Variants in DPYD observed in about 807,000 individuals in gnomAD.
The protein encoded by DPYD is dihydropyrimidine dehydrogenase, also known as dihydropyrimidine dehydrogenase [NADP(+)].
In DPYD, 109 loss-of-function variants were observed where a neutral mutation model predicts 116.2. The observed-to-expected ratio is 0.94, with a 90% CI of 0.80 to 1.10. DPYD has a LOEUF of 1.10. Ranked by LOEUF, DPYD falls within the 50% of genes least tolerant of loss-of-function variation. The pLI is 0.00. For missense variants in DPYD, 1,302 were observed against 1,254.5 expected (o/e 1.04, Z -0.57); for synonymous variants, 440 against 432.0 (o/e 1.02, Z -0.23).
chr1:97,247,845 A>C (rs544298598), intron 18 of DPYD, among the ~76,000 whole-genome samples: 2 of 152,338 alleles, frequency 1.3e-5, no homozygotes, highest in South Asian at 4.1e-4. Flanking sequence ...ATCCATAACT[A>C]TTGCACAAGT....
At chr1:97,834,250 C>A (rs575804103) in intron 2 of DPYD, among the ~76,000 whole-genome samples, 52 of 151,996 alleles carry the variant, frequency 3.4e-4, no homozygotes, top group African/African-American at 1.3e-3. Context: ...ATCCTGTTGC[C>A]AAGCTAGAAA....
chr1:97,883,907 G>A (rs779732877), intron 1 of DPYD: 2 of 451,998 alleles, frequency 4.4e-6, no homozygotes, highest in Admixed American at 2.6e-5. Context: ...AAAATCAAGT[G>A]AGGAATCCTA....
At chr1:97,451,519 A>G (rs747937885) in intron 13 of DPYD, among the ~76,000 whole-genome samples, 9 of 152,186 alleles carry the variant, frequency 5.9e-5, no homozygotes, top group Non-Finnish European at 1.3e-4. Flanking sequence ...TTAATTTTTT[A>G]CTAATTAAGC....
At chr1:97,118,889 T>C (rs1007419585) in intron 20 of DPYD, among the ~76,000 whole-genome samples, 1 of 152,080 alleles carries the variant, frequency 6.6e-6, no homozygotes, top group Non-Finnish European at 1.5e-5. Flanking sequence ...CATCTGAGGA[T>C]TGATGTTGAA....
rs1003892056 is a variant in DPYD at position 97,510,489 on chromosome 1, C to T, written c.1740+5237G>A. ...CCAAATAATCTCATAGGCATTTGGA[C>T]TTGATGAAGATCATAAGATAATGAA... On this transcript the variant is annotated intron_variant, in intron 13 of 22. Coordinates refer to ENST00000370192, the MANE Select transcript of DPYD (RefSeq NM_000110.4). Among the ~76,000 whole-genome samples, 3 of 151,968 alleles carry T rather than the reference C, an allele frequency of 2.0e-5. No homozygotes were observed. The East Asian group carries it at 5.8e-4, about 30-fold the overall frequency.
intron 8 of DPYD, among the ~76,000 whole-genome samples, chr1:97,665,175 C>T (rs1659490755): frequency 6.6e-6 from 1 of 152,072 alleles, no homozygotes; most frequent in African/African-American, 2.4e-5. Flanking sequence ...TAGAGTACTC[C>T]ATTAACCAAA....
At chr1:97,267,786 C>T (rs950659042) in intron 18 of DPYD, among the ~76,000 whole-genome samples, 4 of 152,036 alleles carry the variant, frequency 2.6e-5, no homozygotes, top group Admixed American at 6.5e-5. Flanking sequence ...ACATTCAAAC[C>T]ACAGCATTCC....
chr1:97,475,051 A>C (rs1389786514), intron 13 of DPYD, among the ~76,000 whole-genome samples: 2 of 152,182 alleles, frequency 1.3e-5, no homozygotes, highest in Non-Finnish European at 2.9e-5. Flanking sequence ...AAAAATCAGT[A>C]ATTTAAACAG....
chr1:97,586,453 A>AATACATAC (rs774026722), intron 10 of DPYD, among the ~76,000 whole-genome samples: 12 of 82,114 alleles, frequency 1.5e-4, no homozygotes, highest in Middle Eastern at 8.8e-3. Flanking sequence ...TATCTGTGAA[A>AATACATAC]ATACATACAT....
In DPYD at chr1:97,549,609, G is replaced by T. The variant is rs72549304; in HGVS notation, c.1475C>A (p.Ser492Ter). Reference protein sequence around the residue: ...VVGLANTTVESVNDGKQASWY... With the variant: ...VVGLANTTVE ...AGAAGCTTGCTTTCCATCATTCACCGATTCCACTGTAGTGTTAGCCAAACC... is the reference window on the plus strand; with the variant it reads ...AGAAGCTTGCTTTCCATCATTCACCTATTCCACTGTAGTGTTAGCCAAACC... Residue 492 changes from serine (S) to a stop codon, truncating the protein, a stop_gained, in exon 12 of 23, where the codon TCG becomes TAG. Coordinates refer to ENST00000370192, the MANE Select transcript of DPYD (RefSeq NM_000110.4). LOFTEE classifies it high-confidence loss of function. 1 of 1,613,804 alleles carries T rather than the reference G, an allele frequency of 6.2e-7. No homozygotes were observed. The highest frequency in any genetic ancestry group is 1.3e-5 in the African/African-American group (1 of 75,014).
chr1:97,560,949 G>C (rs1284233049), intron 11 of DPYD, among the ~76,000 whole-genome samples: 2 of 152,160 alleles, frequency 1.3e-5, no homozygotes, highest in African/African-American at 4.8e-5. Context: ...TTAAGGATGA[G>C]ATGCAGTTAT....
At chr1:97,869,181 C>T (rs1671540762) in intron 2 of DPYD, among the ~76,000 whole-genome samples, 1 of 151,654 alleles carries the variant, frequency 6.6e-6, no homozygotes, top group African/African-American at 2.4e-5. Flanking sequence ...TCTGATTTCC[C>T]CAGCCTCGGT....
At chr1:97,221,831 C>G (rs911928267) in intron 19 of DPYD, among the ~76,000 whole-genome samples, 1 of 151,986 alleles carries the variant, frequency 6.6e-6, no homozygotes, top group Non-Finnish European at 1.5e-5. Context: ...ACTCAACAAC[C>G]AACTTTGTTC....
intron 2 of DPYD, among the ~76,000 whole-genome samples, chr1:97,861,891 C>A (rs1671135746): frequency 6.6e-6 from 1 of 151,904 alleles, no homozygotes; most frequent in African/African-American, 2.4e-5. Context: ...CATTTGCAGC[C>A]TCTATGACCC....
intron 2 of DPYD, among the ~76,000 whole-genome samples, chr1:97,829,455 T>G (rs1204058200): frequency 6.6e-6 from 1 of 152,090 alleles, no homozygotes; most frequent in Non-Finnish European, 1.5e-5. Flanking sequence ...TTTCAAAAAG[T>G]CCATTTTGGG....
chr1:97,167,825 T>C (rs1656436970), intron 20 of DPYD, among the ~76,000 whole-genome samples: 1 of 152,144 alleles, frequency 6.6e-6, no homozygotes, highest in Non-Finnish European at 1.5e-5. Flanking sequence ...AAAGGTATAT[T>C]ATAGCCTAGA....
intron 8 of DPYD, among the ~76,000 whole-genome samples, chr1:97,612,812 G>GC (rs767861707): frequency 1.1e-4 from 16 of 151,922 alleles, no homozygotes; most frequent in Non-Finnish European, 2.4e-4. Flanking sequence ...TGCCCCCAGT[G>GC]CTGAGCAAGA....
chr1:97,141,760 A>T (rs936743778), intron 20 of DPYD, among the ~76,000 whole-genome samples: 6 of 152,268 alleles, frequency 3.9e-5, no homozygotes, highest in South Asian at 2.1e-4. Flanking sequence ...TGGCTGACAC[A>T]TGGTAGGAAT....
intron 8 of DPYD, among the ~76,000 whole-genome samples, chr1:97,631,834 C>T (rs1399955783): frequency 6.6e-6 from 1 of 151,868 alleles, no homozygotes; most frequent in Non-Finnish European, 1.5e-5. Flanking sequence ...GAAACCATAA[C>T]ATTAAACAGA....
Sources: gnomAD v4.1 joint callset for allele counts (sites outside exome capture counted in the v4.1 genomes callset) on GRCh38, gnomAD v4.1.1 for gene constraint, MANE v1.5 for transcripts, NCBI Gene and HGNC (gene_info 2026-07-23, HGNC 2026-07-21) for gene names.